The following ERC2 variants were observed in gnomAD, a reference collection of about 807,000 sequenced individuals.
ERC2 encodes ERC protein 2.
In ERC2, 42 loss-of-function variants were observed where a neutral mutation model predicts 114.8. The observed-to-expected ratio is 0.37, with a 90% confidence interval of 0.29 to 0.47. ERC2 has a LOEUF of 0.47. Among genes scored for constraint, ERC2 ranks in the 20% least tolerant of loss-of-function variants. The pLI is 0.99. For missense variants in ERC2, 939 were observed against 1,150.7 expected (o/e 0.82, Z 2.66); for synonymous variants, 454 against 425.5 (o/e 1.07, Z -0.82).
intron 13 of ERC2, among the ~76,000 whole-genome samples, chr3:55,928,565 C>T (rs2065885739): frequency 6.6e-6 from 1 of 152,096 alleles, no homozygotes; most frequent in Non-Finnish European, 1.5e-5. Flanking sequence ...TAGGCTGTCT[C>T]TTCACTTTGT....
intron 2 of ERC2, among the ~76,000 whole-genome samples, chr3:56,355,647 A>G (rs573199833): frequency 3.9e-5 from 6 of 152,258 alleles, no homozygotes; most frequent in African/African-American, 1.4e-4. Context: ...TTAAACTCAT[A>G]TTCCAGACGA....
intron 17 of ERC2, among the ~76,000 whole-genome samples, chr3:55,616,121 G>A (rs2059114701): frequency 6.6e-6 from 1 of 152,160 alleles, no homozygotes; most frequent in African/African-American, 2.4e-5. Context: ...ACATTACTCA[G>A]CTAGAGGAAG....
At chr3:55,579,572 C>A (rs1323783465) in intron 17 of ERC2, among the ~76,000 whole-genome samples, 1 of 152,224 alleles carries the variant, frequency 6.6e-6, no homozygotes, top group Non-Finnish European at 1.5e-5. Flanking sequence ...TGGCTTCAGA[C>A]CTCTCTTTCC....
chr3:56,416,054 A>C (rs1463308741), intron 2 of ERC2, among the ~76,000 whole-genome samples: 1 of 152,200 alleles, frequency 6.6e-6, no homozygotes, highest in African/African-American at 2.4e-5. Flanking sequence ...AATTGTATTC[A>C]GTATGATGAT....
chr3:56,431,023 CT>C (rs2107332619), intron 2 of ERC2, among the ~76,000 whole-genome samples: 1 of 152,266 alleles, frequency 6.6e-6, no homozygotes, highest in African/African-American at 2.4e-5. Context: ...GGATAAGTTG[CT>C]TATTCTCTCT....
intron 14 of ERC2, among the ~76,000 whole-genome samples, chr3:55,836,845 A>G (rs1203549062): frequency 6.6e-6 from 1 of 152,244 alleles, no homozygotes; most frequent in Admixed American, 6.5e-5. Flanking sequence ...AAATTTTCCC[A>G]ACCTACTCAT....
intron 16 of ERC2, among the ~76,000 whole-genome samples, chr3:55,694,771 G>A (rs1405021241): frequency 6.6e-6 from 1 of 152,188 alleles, no homozygotes; most frequent in Non-Finnish European, 1.5e-5. Context: ...AGTACATTTT[G>A]CACAAACAAG....
At chr3:55,591,666 G>C (rs2057897090) in intron 17 of ERC2, among the ~76,000 whole-genome samples, 1 of 152,014 alleles carries the variant, frequency 6.6e-6, no homozygotes, top group Admixed American at 6.6e-5. Flanking sequence ...TCCGCAATGA[G>C]GAAAAATAAG....
intron 6 of ERC2, among the ~76,000 whole-genome samples, chr3:56,129,811 C>T (rs2080099544): frequency 6.6e-6 from 1 of 152,170 alleles, no homozygotes; most frequent in Admixed American, 6.5e-5. Flanking sequence ...CTCGATACCT[C>T]TACACCCCAA....
At chr3:55,707,892 C>G (rs1455562887) in intron 15 of ERC2, among the ~76,000 whole-genome samples, 1 of 152,134 alleles carries the variant, frequency 6.6e-6, no homozygotes, top group African/African-American at 2.4e-5. Flanking sequence ...TCCCACTTTA[C>G]AGATGAAGAA....
chr3:55,651,365 A>G (rs888678288), intron 17 of ERC2, among the ~76,000 whole-genome samples: 6 of 152,300 alleles, frequency 3.9e-5, no homozygotes, highest in African/African-American at 2.4e-5. Flanking sequence ...GCTCTCCAGG[A>G]AAGTTCAGCC....
At chr3:56,257,369 T>C (rs922762877) in intron 3 of ERC2, among the ~76,000 whole-genome samples, 1 of 152,226 alleles carries the variant, frequency 6.6e-6, no homozygotes, top group Admixed American at 6.5e-5. Flanking sequence ...TGCATCATGG[T>C]TACAGTCTTC....
At chr3:56,094,197 A>G (rs1462332768) in intron 6 of ERC2, among the ~76,000 whole-genome samples, 1 of 152,172 alleles carries the variant, frequency 6.6e-6, no homozygotes, top group South Asian at 2.1e-4. Flanking sequence ...CATGGGTAAG[A>G]AAGGTTTGAG....
intron 14 of ERC2, among the ~76,000 whole-genome samples, chr3:55,853,878 C>T (rs1346901704): frequency 6.6e-6 from 1 of 152,110 alleles, no homozygotes; most frequent in Non-Finnish European, 1.5e-5. Flanking sequence ...CTTAACACTA[C>T]TAAGCTGGAC....
intron 17 of ERC2, among the ~76,000 whole-genome samples, chr3:55,674,153 TGTGAAAAACA>T (rs2061683469): frequency 6.6e-6 from 1 of 152,064 alleles, no homozygotes. Context: ...TATAAACAGA[TGTGAAAAACA>T]GTCATGTAAT....
intron 14 of ERC2, among the ~76,000 whole-genome samples, chr3:55,812,458 T>C (rs1332664839): frequency 1.3e-5 from 2 of 152,250 alleles, no homozygotes; most frequent in Non-Finnish European, 2.9e-5. Context: ...ACTTGTTGTG[T>C]ATCCATGATG....
At chr3:56,351,696 G>C (rs1301740238) in intron 2 of ERC2, among the ~76,000 whole-genome samples, 3 of 152,140 alleles carry the variant, frequency 2.0e-5, no homozygotes, top group Non-Finnish European at 4.4e-5. Flanking sequence ...GTGGCAGAGT[G>C]CCTAGAGAAC....
At chr3:56,441,395 G>T (rs7646515) in intron 1 of ERC2, among the ~76,000 whole-genome samples, 126,998 of 152,198 alleles carry the variant, frequency 0.83, 53,297 homozygotes, top group East Asian at 0.93. Flanking sequence ...TGGGAAGTAA[G>T]AAATTATTAT....
At chr3:56,112,710 A>G (rs2079028355) in intron 6 of ERC2, among the ~76,000 whole-genome samples, 1 of 152,172 alleles carries the variant, frequency 6.6e-6, no homozygotes, top group South Asian at 2.1e-4. Flanking sequence ...ATTAGGAGAA[A>G]ACCAGGAGGG....
Sources: allele counts gnomAD v4.1 joint callset (sites outside exome capture counted in the v4.1 genomes callset), GRCh38; gene constraint gnomAD v4.1.1; transcripts MANE v1.5; gene names NCBI Gene and HGNC (gene_info 2026-07-23, HGNC 2026-07-21).